PCDHB12: variants seen among roughly 807,000 people sequenced by gnomAD.
PCDHB12 encodes protocadherin beta-12.
For missense variants in PCDHB12, 1,192 were observed against 998.2 expected, an observed-to-expected ratio of 1.19 and a Z score of -2.62; for synonymous variants, 560 against 445.2, an observed-to-expected ratio of 1.26 and a Z score of -3.24.
At position 141,210,703 on chromosome 5, in the gene PCDHB12, A is replaced by G. The variant is rs1754430733; in HGVS notation, c.1796A>G (p.Asn599Ser). 1.2e-6 allele frequency: 2 copies of G among 1,609,750 alleles called. No homozygotes were observed. Among genetic ancestry groups the G allele is most frequent in the Non-Finnish European group, 1.7e-6 (2 of 1,179,606 alleles). Residue 599 changes from asparagine (N) to serine (S), a missense_variant, in exon 1 of 1, where the codon AAC (asparagine) becomes AGC (serine). Coordinates refer to ENST00000239450, the MANE Select transcript of PCDHB12 (RefSeq NM_018932.4). ...GCGGTGGACGGTGACTCGGGCCAGA[A>G]CGCCTGGCTGTCGTACCAGCTGCTC... is the stretch of plus-strand genomic sequence containing the variant. ...VVAVDGDSGQ[N>S]AWLSYQLLKA...
In PCDHB12 at chr5:141,210,204, A is replaced by C; in HGVS notation, c.1297A>C (p.Thr433Pro). 3 of 1,614,116 alleles carry C rather than the reference A, an allele frequency of 1.9e-6. No individual in the cohort carries two copies. Among genetic ancestry groups the C allele is most frequent in the South Asian group, 1.1e-5 (1 of 91,076 alleles). The change falls in exon 1 of 1, where the codon ACC becomes CCC. Residue 433 changes from threonine (T) to proline (P), a missense_variant. By Grantham distance (38) the Thr-to-Pro change is conservative. Transcript: ENST00000239450. The part of the protein sequence containing the change: ...VTDLGTPRLK[T>P]EHNITVLVSD... ...CGACTTGGGGACCCCCAGGCTAAAA[A>C]CCGAGCACAACATAACCGTGCTGGT...
Position 141,210,658 on chromosome 5 carries a change from A to G in PCDHB12, c.1751A>G (p.Tyr584Cys), listed in dbSNP as rs1215787216. 4 of 1,611,106 alleles carry G rather than the reference A, an allele frequency of 2.5e-6. No homozygotes were observed. The highest frequency in any genetic ancestry group is 3.4e-6 in the Non-Finnish European group (4 of 1,179,736). ...GTGCCCTGGGCGGCCGAGCCGGGCT[A>G]CCTGGTGACCAAGGTGGTGGCGGTG... Reference protein sequence around the residue: ...ELVPWAAEPGYLVTKVVAVDG... With the variant: ...ELVPWAAEPGCLVTKVVAVDG... The change falls in exon 1 of 1, where the codon TAC (tyrosine) becomes TGC (cysteine). Residue 584 changes from tyrosine to cysteine, a missense_variant. Tyr to Cys is a radical substitution (Grantham distance 194, BLOSUM62 -2). Transcript: ENST00000239450.
chr5:141,208,725 C>A lies in PCDHB12; in HGVS notation c.-183C>A. ...GTTGTAGACCCTGTTATCCAGTACA[C>A]GCGGAGAACTGGGAAGACAGAAAGA... On this transcript the variant is annotated 5_prime_UTR_variant, in exon 1 of 1. Coordinates refer to ENST00000239450, the MANE Select transcript of PCDHB12 (RefSeq NM_018932.4). 1 of 476,994 alleles carries A rather than the reference C, an allele frequency of 2.1e-6. No homozygotes were observed. Among genetic ancestry groups the A allele is most frequent in the Non-Finnish European group, 3.6e-6 (1 of 279,040 alleles). The allele number at this position is 476,994 out of a possible 1,614,324, so 29.5% of individuals were successfully genotyped here.
Position 141,209,944 on chromosome 5 carries a change from A to G in PCDHB12, c.1037A>G (p.Glu346Gly). The change falls in exon 1 of 1, where the codon GAA becomes GGA. Residue 346 changes from glutamate to glycine, a missense_variant. Glu to Gly is a moderately conservative substitution (Grantham distance 98, BLOSUM62 -2). Transcript: ENST00000239450. ...ATGGATGTAAACGACAACGCTCCTG[A>G]AATCACTGTGTCATCAATTACCAGT... is the stretch of plus-strand genomic sequence containing the variant. The part of the protein sequence containing the change: ...QVMDVNDNAP[E>G]ITVSSITSPI... 1 of 1,614,222 alleles carries G rather than the reference A, an allele frequency of 6.2e-7. No individual in the cohort carries two copies. The highest frequency in any genetic ancestry group is 2.2e-5 in the East Asian group (1 of 44,878).
chr5:141,210,694 C>A lies in PCDHB12; in HGVS notation c.1787C>A (p.Ser596Ter). 1 of 1,610,148 alleles carries A rather than the reference C, an allele frequency of 6.2e-7. No individual in the cohort carries two copies. The highest frequency in any genetic ancestry group is 8.5e-7 in the Non-Finnish European group (1 of 1,179,664). The change falls in exon 1 of 1, where the codon TCG (serine) becomes TAG (stop). Residue 596 changes from serine to a stop codon, truncating the protein, a stop_gained. Transcript: ENST00000239450. LOFTEE classifies it low-confidence loss of function (END_TRUNC). ...AAGGTGGTGGCGGTGGACGGTGACT[C>A]GGGCCAGAACGCCTGGCTGTCGTAC... ...VTKVVAVDGD[S>*]GQNAWLSYQL...
At position 141,212,383 on chromosome 5, in the gene PCDHB12, T is replaced by C. The variant is rs1218061832; in HGVS notation, c.*1088T>C. 6 of 153,232 alleles carry C rather than the reference T, an allele frequency of 3.9e-5. No individual in the cohort carries two copies. Among genetic ancestry groups the C allele is most frequent in the African/African-American group, 1.2e-4 (5 of 41,456 alleles). 9.5% of individuals were successfully genotyped at this position (153,232 alleles called of 1,614,324 possible). ...ATTTAAGAAAAAGAATAGATTTAAA[T>C]GTGTAATATCAAAGAGAAATATAGA... On this transcript the variant is annotated 3_prime_UTR_variant, in exon 1 of 1. Coordinates refer to ENST00000239450, the MANE Select transcript of PCDHB12 (RefSeq NM_018932.4).
At position 141,209,065 on chromosome 5, in the gene PCDHB12, G is replaced by GACTCGACACAC. The variant is rs782551993; in HGVS notation, c.164_165insCACACACTCGA (p.Glu55AspfsTer6). 9.9e-6 allele frequency: 16 copies of GACTCGACACAC among 1,612,594 alleles called. No homozygotes were observed. Among genetic ancestry groups the GACTCGACACAC allele is most frequent in the African/African-American group, 2.7e-5 (2 of 74,874 alleles). On this transcript the variant is annotated frameshift_variant, in exon 1 of 1. Coordinates refer to ENST00000239450, the MANE Select transcript of PCDHB12 (RefSeq NM_018932.4). LOFTEE classifies it low-confidence loss of function (END_TRUNC). ...GTAGGAAATTTGGCAAAGACCCTGG[G>GACTCGACACAC]ACTCGAGGTGAGTGAGCTGTCTTCG...
chr5:141,211,338 A>G lies in PCDHB12; in HGVS notation c.*43A>G. The G allele has an allele frequency of 6.5e-7, 1 of 1,543,708 alleles. No homozygotes were observed. The highest frequency in any genetic ancestry group is 8.7e-7 in the Non-Finnish European group (1 of 1,144,698). Reference sequence around the variant, plus strand: ...AACCTGTGTTTATGAATACATTTATAATTAGGAACTTATCGTGAGGTGCCT... The same window carrying G: ...AACCTGTGTTTATGAATACATTTATGATTAGGAACTTATCGTGAGGTGCCT... On this transcript the variant is annotated 3_prime_UTR_variant, in exon 1 of 1. Coordinates refer to ENST00000239450, the MANE Select transcript of PCDHB12 (RefSeq NM_018932.4).
chr5:141,209,632 T>A lies in PCDHB12; in HGVS notation c.725T>A (p.Phe242Tyr), dbSNP rs781812996. The change falls in exon 1 of 1, where the codon TTT becomes TAT. Residue 242 changes from phenylalanine to tyrosine, a missense_variant. Coordinates refer to ENST00000239450, the MANE Select transcript of PCDHB12 (RefSeq NM_018932.4). Reference protein sequence around the residue: ...VVDINDNSPEFEQAFYEVKIL... With the variant: ...VVDINDNSPEYEQAFYEVKIL... Reference sequence around the variant, plus strand: ...GATATTAATGACAACTCCCCTGAGTTTGAGCAGGCTTTTTATGAGGTGAAG... The same window carrying A: ...GATATTAATGACAACTCCCCTGAGTATGAGCAGGCTTTTTATGAGGTGAAG... The A allele has an allele frequency of 6.2e-7, 1 of 1,614,054 alleles. No individual in the cohort carries two copies.
chr5:141,209,526 G>C lies in PCDHB12; in HGVS notation c.619G>C (p.Glu207Gln), dbSNP rs371376851. The change falls in exon 1 of 1, where the codon GAG becomes CAG. Residue 207 changes from glutamate (E) to glutamine (Q), a missense_variant. By Grantham distance (29) the Glu-to-Gln change is conservative. Coordinates refer to ENST00000239450, the MANE Select transcript of PCDHB12 (RefSeq NM_018932.4). ...DKALDYEERP[E>Q]LSFILTALDG... Reference sequence around the variant, plus strand: ...GGCGCTGGATTATGAAGAGCGCCCGGAGCTCAGTTTCATCCTCACTGCTCT... The same window carrying C: ...GGCGCTGGATTATGAAGAGCGCCCGCAGCTCAGTTTCATCCTCACTGCTCT... The C allele has an allele frequency of 6.2e-6, 10 of 1,614,042 alleles. No homozygotes were observed. Among genetic ancestry groups the C allele is most frequent in the Non-Finnish European group, 8.5e-6 (10 of 1,180,040 alleles).
rs1554287224 is a variant in PCDHB12, at chr5:141,211,453, C to T, written c.*158C>T. ...ATAGAAAAGGATACAGATTTAGTAC[C>T]AAGAACACTTCACAAAGCAGGAAAT... On this transcript the variant is annotated 3_prime_UTR_variant, in exon 1 of 1. Coordinates refer to ENST00000239450, the MANE Select transcript of PCDHB12 (RefSeq NM_018932.4). 2 of 810,540 alleles carry T rather than the reference C, an allele frequency of 2.5e-6. No individual in the cohort carries two copies. The highest frequency in any genetic ancestry group is 5.3e-5 in the East Asian group (2 of 37,498). 50.2% of individuals were successfully genotyped at this position (810,540 alleles called of 1,614,324 possible). A position where few individuals can be genotyped will look rare whatever the true frequency, so the allele number is the denominator to read the frequency against.
In PCDHB12 at chr5:141,209,164, T is replaced by C. The variant is rs1754368760; in HGVS notation, c.257T>C (p.Leu86Pro). 1 of 1,613,972 alleles carries C rather than the reference T, an allele frequency of 6.2e-7. No individual in the cohort carries two copies. The highest frequency in any genetic ancestry group is 1.3e-5 in the African/African-American group (1 of 74,904). Reference sequence around the variant, plus strand: ...GACACAAACACTGGGGATTTGCTCCTGAGAGAAATGCTAGACAGGGAGGAG... The same window carrying C: ...GACACAAACACTGGGGATTTGCTCCCGAGAGAAATGCTAGACAGGGAGGAG... ...QLDTNTGDLL[L>P]REMLDREELC... The change falls in exon 1 of 1, where the codon CTG (leucine) becomes CCG (proline). Residue 86 changes from leucine (L) to proline (P), a missense_variant. Coordinates refer to ENST00000239450, the MANE Select transcript of PCDHB12 (RefSeq NM_018932.4).
Position 141,209,340 on chromosome 5 carries a change from A to T in PCDHB12, c.433A>T (p.Asn145Tyr). Residue 145 changes from asparagine to tyrosine, a missense_variant, in exon 1 of 1, where the codon AAC (asparagine) becomes TAC (tyrosine). Asn to Tyr is a moderately radical substitution (Grantham distance 143). Coordinates refer to ENST00000239450, the MANE Select transcript of PCDHB12 (RefSeq NM_018932.4). ...AGAAATGCTCTTAGAAATCCCAGAG[A>T]ACAGTCCTGTTGGTGCTGTGTTCTT... ...EKEMLLEIPE[N>Y]SPVGAVFLLE... is the part of the protein sequence containing the mutation. 1 of 1,614,218 alleles carries T rather than the reference A, an allele frequency of 6.2e-7. No homozygotes were observed. The highest frequency in any genetic ancestry group is 1.1e-5 in the South Asian group (1 of 91,082).
At position 141,212,299 on chromosome 5, in the gene PCDHB12, A is replaced by G. The variant is rs1323986483; in HGVS notation, c.*1004A>G. 1.3e-5 allele frequency: 2 copies of G among 159,116 alleles called. No individual in the cohort carries two copies. Among genetic ancestry groups the G allele is most frequent in the Non-Finnish European group, 2.9e-5 (2 of 68,002 alleles). The allele number at this position is 159,116 out of a possible 1,614,324, so 9.9% of individuals were successfully genotyped here. Reference sequence around the variant, plus strand: ...CTTACATTTGTAATATATTTTCCTGATTTGAGAGTTTGTTTTTAGCAGTTT... The same window carrying G: ...CTTACATTTGTAATATATTTTCCTGGTTTGAGAGTTTGTTTTTAGCAGTTT... On this transcript the variant is annotated 3_prime_UTR_variant, in exon 1 of 1. Transcript: ENST00000239450.
chr5:141,210,065 G>A lies in PCDHB12; in HGVS notation c.1158G>A (p.Pro386=), dbSNP rs1409934513. 6.2e-7 allele frequency: 1 copy of A among 1,614,142 alleles called. No homozygotes were observed. The highest frequency in any genetic ancestry group is 8.5e-7 in the Non-Finnish European group (1 of 1,180,026). The change falls in exon 1 of 1, where the codon CCG becomes CCA. Residue 386 remains proline (P), a synonymous_variant. Transcript: ENST00000239450. ...ACGGAAAGATGGTTTGTTCTATCCCGGAGGACATCCCATTCGTGCTAAAAT... is the reference window on the plus strand; with the variant it reads ...ACGGAAAGATGGTTTGTTCTATCCCAGAGGACATCCCATTCGTGCTAAAAT... ...GDNGKMVCSI[P]EDIPFVLKSS...
chr5:141,210,806 C>A lies in PCDHB12; in HGVS notation c.1899C>A (p.Arg633=), dbSNP rs782124772. The A allele has an allele frequency of 6.3e-7, 1 of 1,599,832 alleles. No individual in the cohort carries two copies. The highest frequency in any genetic ancestry group is 2.2e-5 in the East Asian group (1 of 44,790). Reference sequence around the variant, plus strand: ...GCACCGCCAGGCTGCTGAGCGAGCGCGACGCGGCCAAGCACAGGCTGGTGG... The same window carrying A: ...GCACCGCCAGGCTGCTGAGCGAGCGAGACGCGGCCAAGCACAGGCTGGTGG... ...EVRTARLLSE[R]DAAKHRLVVL... Residue 633 remains arginine (R), a synonymous_variant, in exon 1 of 1, where the codon CGC becomes CGA. Coordinates refer to ENST00000239450, the MANE Select transcript of PCDHB12 (RefSeq NM_018932.4).
Position 141,210,942 on chromosome 5 carries a change from G to A in PCDHB12, c.2035G>A (p.Ala679Thr), listed in dbSNP as rs782432207. The change falls in exon 1 of 1, where the codon GCC (alanine) becomes ACC (threonine). Residue 679 changes from alanine (A) to threonine (T), a missense_variant. Physicochemically the swap from Ala to Thr is moderately conservative, Grantham distance 58 (BLOSUM62 0). Coordinates refer to ENST00000239450, the MANE Select transcript of PCDHB12 (RefSeq NM_018932.4). ...CCTGCCTCTCCCGGAGGCGGCCCCGGCCCAGGCCCAGGCCGACTCGCTCAC... is the reference window on the plus strand; with the variant it reads ...CCTGCCTCTCCCGGAGGCGGCCCCGACCCAGGCCCAGGCCGACTCGCTCAC... ...PYLPLPEAAP[A>T]QAQADSLTVY... The A allele has an allele frequency of 1.1e-4, 176 of 1,611,272 alleles. 2 individuals carry two copies. Among genetic ancestry groups the A allele is most frequent in the Middle Eastern group, 7.3e-4 (4 of 5,452 alleles).
chr5:141,209,527 A>C lies in PCDHB12; in HGVS notation c.620A>C (p.Glu207Ala), dbSNP rs1754381433. 2 of 1,614,056 alleles carry C rather than the reference A, an allele frequency of 1.2e-6. No homozygotes were observed. Among genetic ancestry groups the C allele is most frequent in the Non-Finnish European group, 1.7e-6 (2 of 1,180,046 alleles). The change falls in exon 1 of 1, where the codon GAG (glutamate) becomes GCG (alanine). Residue 207 changes from glutamate (E) to alanine (A), a missense_variant. Transcript: ENST00000239450. ...DKALDYEERPELSFILTALDG... is the reference protein window; with the variant it reads ...DKALDYEERPALSFILTALDG... ...GCGCTGGATTATGAAGAGCGCCCGG[A>C]GCTCAGTTTCATCCTCACTGCTCTG...
rs782166376 is a variant in PCDHB12 at position 141,209,090 on chromosome 5, G to A, written c.183G>A (p.Ser61=). ...TLGLEVSELS[S]RGARVVSNDN... ...GACTCGAGGTGAGTGAGCTGTCTTCGCGGGGGGCTCGGGTGGTTTCTAATG... is the reference window on the plus strand; with the variant it reads ...GACTCGAGGTGAGTGAGCTGTCTTCACGGGGGGCTCGGGTGGTTTCTAATG... Residue 61 remains serine, a synonymous_variant, in exon 1 of 1, where the codon TCG becomes TCA. Coordinates refer to ENST00000239450, the MANE Select transcript of PCDHB12 (RefSeq NM_018932.4). The A allele has an allele frequency of 6.2e-7, 1 of 1,613,440 alleles. No homozygotes were observed. Among genetic ancestry groups the A allele is most frequent in the Non-Finnish European group, 8.5e-7 (1 of 1,179,458 alleles).
Sources: gnomAD v4.1 joint callset for allele counts on GRCh38, gnomAD v4.1.1 for gene constraint, MANE v1.5 for transcripts, NCBI Gene and HGNC (gene_info 2026-07-23, HGNC 2026-07-21) for gene names.